Variants in CABIN1 observed in about 807,000 individuals in gnomAD.
CABIN1 encodes the protein calcineurin binding protein 1.
CABIN1 carries 133 observed loss-of-function variants against 227.7 expected under a neutral mutation model. That is an observed-to-expected ratio of 0.58 (90% confidence interval 0.51 to 0.67). The LOEUF (loss-of-function observed/expected upper bound fraction) is 0.67, where lower values mean the gene tolerates loss of function less well. Among genes scored for constraint, CABIN1 ranks in the 30% least tolerant of loss-of-function variants. The pLI is 0.00. For missense variants in CABIN1, 2,408 were observed against 2,852.5 expected, an observed-to-expected ratio of 0.84 and a Z score of 3.55; for synonymous variants, 1,086 against 1,155.1, an observed-to-expected ratio of 0.94 and a Z score of 1.21.
At chr22:24,037,205 A>G (rs1045001317) in intron 3 of CABIN1, among the ~76,000 whole-genome samples, 5 of 148,836 alleles carry the variant, frequency 3.4e-5, no homozygotes, top group African/African-American at 1.2e-4. Context: ...GGTTGCAGCG[A>G]GCTGAGATCA....
intron 33 of CABIN1, 110 bp from the exon 34 acceptor site, chr22:24,171,603 C>A: frequency 7.6e-7 from 1 of 1,318,584 alleles, no homozygotes; most frequent in Non-Finnish European, 1.1e-6. Context: ...TGTTGGCAGC[C>A]CCAGGCGCAC....
chr22:24,078,743 T>C (rs115814345), intron 19 of CABIN1, among the ~76,000 whole-genome samples: 66 of 152,320 alleles, frequency 4.3e-4, no homozygotes, highest in African/African-American at 1.5e-3. Context: ...CCAGATTTTA[T>C]ATGTGTTGAC....
rs1375457317 is a variant in CABIN1, at chr22:24,043,071, C to T, written c.513C>T (p.Leu171=). 2 of 1,613,888 alleles carry T rather than the reference C, an allele frequency of 1.2e-6. No homozygotes were observed. Among genetic ancestry groups the T allele is most frequent in the African/African-American group, 2.7e-5 (2 of 74,946 alleles). Residue 171 remains leucine, a synonymous_variant, in exon 6 of 37, where the codon CTC becomes CTT. Transcript: ENST00000263119. ...ACCTAATCACTGTCCTGTACACCCT[C>T]AGTGATTACACAAGTGAGTCATGCT... ...LDNLITVLYT[L]SDYTTCLYFI...
intron 29 of CABIN1, 25 bp from the exon 30 acceptor site, chr22:24,164,375 C>CA (rs2046330579): frequency 6.2e-7 from 1 of 1,600,386 alleles, no homozygotes; most frequent in African/African-American, 1.3e-5. Context: ...ACCCCCCTCA[C>CA]ACACCTGTGC....
rs151220992 is a variant in CABIN1 at position 24,091,760 on chromosome 22, C to G, written c.3703C>G (p.His1235Asp). 639 of 1,613,870 alleles carry G rather than the reference C, an allele frequency of 4.0e-4. No individual in the cohort carries two copies. The highest frequency in any genetic ancestry group is 4.9e-4 in the Non-Finnish European group (581 of 1,179,996). ...CTTGCTGCACTACAGGCAGGCTGGC[C>G]ACTACCTGCACGAGGAGGCTGCCCG... ...VYLLHYRQAG[H>D]YLHEEAARYP... The change falls in exon 24 of 37, where the codon CAC becomes GAC. Residue 1235 changes from histidine to aspartate, a missense_variant. By Grantham distance (81) the His-to-Asp change is moderately conservative (BLOSUM62 -1). Around this residue, in one of 3 missense-constraint regions of CABIN1, gnomAD observed 649 missense variants for 910.3 expected, o/e 0.71. Transcript: ENST00000263119.
Position 24,087,444 on chromosome 22 carries a change from C to T in CABIN1, c.3264-8C>T, listed in dbSNP as rs766558311. 7.1e-5 allele frequency: 114 copies of T among 1,613,414 alleles called. 1 individual carries two copies. Among genetic ancestry groups the T allele is most frequent in the Middle Eastern group, 6.6e-4 (4 of 6,080 alleles). On this transcript the variant is annotated splice_region_variant and splice_polypyrimidine_tract_variant and intron_variant, in intron 22 of 36. Coordinates refer to ENST00000263119, the MANE Select transcript of CABIN1 (RefSeq NM_012295.4). ...TGTTTTTAGCTGGTGCTTTTGTTACCACCACAGGTTTGATTCCTGGGCAGG... is the reference window on the plus strand; with the variant it reads ...TGTTTTTAGCTGGTGCTTTTGTTACTACCACAGGTTTGATTCCTGGGCAGG...
intron 26 of CABIN1, among the ~76,000 whole-genome samples, chr22:24,103,656 G>C (rs1056919685): frequency 1.3e-5 from 2 of 152,152 alleles, no homozygotes; most frequent in East Asian, 1.9e-4. Flanking sequence ...TGTTCCTGAC[G>C]GGCAGGGGAC....
At chr22:24,062,524 A>AT (rs1272463138) in intron 13 of CABIN1, among the ~76,000 whole-genome samples, 1 of 151,442 alleles carries the variant, frequency 6.6e-6, no homozygotes, top group African/African-American at 2.4e-5. Context: ...TGCCTGGCTA[A>AT]TTTTTGTATT....
chr22:24,077,199 T>C (rs1186001754), intron 19 of CABIN1, among the ~76,000 whole-genome samples: 2 of 152,164 alleles, frequency 1.3e-5, no homozygotes, highest in African/African-American at 4.8e-5. Flanking sequence ...CTTCCTGTGC[T>C]TTCCCCTCAG....
chr22:24,051,738 G>A (rs776218675), intron 8 of CABIN1, among the ~76,000 whole-genome samples: 75 of 152,190 alleles, frequency 4.9e-4, no homozygotes, highest in Non-Finnish European at 7.9e-4. Context: ...GGATGACTCT[G>A]GGGACATTAG....
intron 26 of CABIN1, among the ~76,000 whole-genome samples, chr22:24,112,122 A>T (rs757429416): frequency 5.9e-5 from 9 of 152,142 alleles, no homozygotes; most frequent in Admixed American, 1.3e-4. Context: ...CTGCTGATTG[A>T]TTTGTCTCTT....
intron 28 of CABIN1, among the ~76,000 whole-genome samples, chr22:24,125,715 T>C (rs777357306): frequency 6.6e-6 from 1 of 152,226 alleles, no homozygotes; most frequent in Non-Finnish European, 1.5e-5. Flanking sequence ...CACAAAATGG[T>C]GGTGTGCCCT....
chr22:24,121,070 G>A (rs1222587321), intron 28 of CABIN1, among the ~76,000 whole-genome samples: 1 of 152,196 alleles, frequency 6.6e-6, no homozygotes, highest in Non-Finnish European at 1.5e-5. Flanking sequence ...GAGGGCCAGA[G>A]AGGGCCAGGT....
At position 24,027,927 on chromosome 22, in the gene CABIN1, G is replaced by A; in HGVS notation, c.-74-7517G>A. Reference sequence around the variant, plus strand: ...GATTGAGGAGGTCTCTTCCACTTTGGGTCTACTGGCAGGTTTTTTTTTTTT... The same window carrying A: ...GATTGAGGAGGTCTCTTCCACTTTGAGTCTACTGGCAGGTTTTTTTTTTTT... On this transcript the variant is annotated intron_variant, in intron 1 of 36. Transcript: ENST00000263119. Among the ~76,000 whole-genome samples, 2 of 151,444 alleles carry A rather than the reference G, an allele frequency of 1.3e-5. 1 individual carries two copies. Among genetic ancestry groups the A allele is most frequent in the East Asian group, 3.9e-4 (2 of 5,180 alleles).
At chr22:24,136,381 C>A (rs1376804480) in intron 29 of CABIN1, among the ~76,000 whole-genome samples, 1 of 125,938 alleles carries the variant, frequency 7.9e-6, no homozygotes, top group Non-Finnish European at 1.6e-5. Context: ...GAGACAGAGT[C>A]TTGCTCTGTC....
At chr22:24,051,788 A>G (rs904846680) in intron 8 of CABIN1, among the ~76,000 whole-genome samples, 1 of 152,030 alleles carries the variant, frequency 6.6e-6, no homozygotes, top group Non-Finnish European at 1.5e-5. Flanking sequence ...CATCTCTCTC[A>G]TAGGGTTGTC....
At chr22:24,118,433 C>T (rs957024727) in intron 27 of CABIN1, among the ~76,000 whole-genome samples, 2 of 152,132 alleles carry the variant, frequency 1.3e-5, no homozygotes, top group African/African-American at 4.8e-5. Flanking sequence ...CTGACTCGGC[C>T]CTGCCCCAGC....
chr22:24,039,592 G>C (rs1240735774), intron 4 of CABIN1, among the ~76,000 whole-genome samples: 1 of 152,188 alleles, frequency 6.6e-6, no homozygotes, highest in African/African-American at 2.4e-5. Context: ...TGGGCATGTT[G>C]GTCTTCCCTC....
intron 28 of CABIN1, among the ~76,000 whole-genome samples, chr22:24,127,981 A>G (rs542912173): frequency 6.6e-6 from 1 of 152,188 alleles, no homozygotes; most frequent in South Asian, 2.1e-4. Context: ...TTTCAGCAAT[A>G]TCCCTGGTCT....
Sources: gnomAD v4.1 joint callset for allele counts (sites outside exome capture counted in the v4.1 genomes callset) on GRCh38, gnomAD v4.1.1 for gene constraint, gnomAD v4.1.1 regional missense constraint, MANE v1.5 for transcripts, NCBI Gene and HGNC (gene_info 2026-07-23, HGNC 2026-07-21) for gene names.